PTPRD: variants seen among roughly 807,000 people sequenced by gnomAD.
The protein encoded by PTPRD is protein tyrosine phosphatase receptor type D.
A neutral mutation model predicts 214.5 loss-of-function variants in PTPRD; 34 were observed. The ratio of observed to expected loss-of-function variants is 0.16; its 90% CI spans 0.12 to 0.21. The LOEUF (loss-of-function observed/expected upper bound fraction) is 0.21, where lower values mean the gene tolerates loss of function less well. PTPRD is among the 10% of genes least tolerant of loss of function. The pLI, the probability that PTPRD is intolerant of heterozygous loss-of-function variation, is 1.00. For synonymous variants in PTPRD, 1,128 were observed against 845.7 expected (o/e 1.33, Z -5.79); for missense variants, 2,545 against 2,398.7 (o/e 1.06, Z -1.27).
At position 8,602,330 on chromosome 9, in the gene PTPRD, A is replaced by T. The variant is rs183622559; in HGVS notation, c.352+30987T>A. Among the ~76,000 whole-genome samples, 25 of 152,242 alleles carry T rather than the reference A, an allele frequency of 1.6e-4. No homozygotes were observed. The East Asian group carries it at 4.8e-3, about 29-fold the overall frequency. On this transcript the variant is annotated intron_variant, in intron 14 of 45. Coordinates refer to ENST00000381196, the MANE Select transcript of PTPRD (RefSeq NM_002839.4). ...CCTTCCTCATTGCCCAGGGCTTCTG[A>T]GACTTCACACTACCTTGTCTGTATA... is the stretch of plus-strand genomic sequence containing the variant.
chr9:9,730,154 A>G (rs903874680), intron 7 of PTPRD, among the ~76,000 whole-genome samples: 4 of 152,194 alleles, frequency 2.6e-5, no homozygotes, highest in Non-Finnish European at 2.9e-5. Context: ...AGATGGAAAT[A>G]GCATTCAATT....
chr9:9,209,932 T>G (rs372426355), intron 9 of PTPRD, among the ~76,000 whole-genome samples: 41 of 152,138 alleles, frequency 2.7e-4, no homozygotes, highest in Non-Finnish European at 2.9e-5. Context: ...ATATTTTCAT[T>G]GGTTCCTCCT....
At chr9:9,014,290 C>T (rs1407128413) in intron 11 of PTPRD, among the ~76,000 whole-genome samples, 1 of 150,902 alleles carries the variant, frequency 6.6e-6, no homozygotes, top group East Asian at 2.0e-4. Context: ...TTCATTCTCA[C>T]AATCTGAACA....
At chr9:9,156,471 T>G (rs565109842) in intron 10 of PTPRD, among the ~76,000 whole-genome samples, 33 of 151,518 alleles carry the variant, frequency 2.2e-4, no homozygotes, top group South Asian at 4.2e-4. Flanking sequence ...TATATAAGTA[T>G]ATATTAATTA....
chr9:8,714,955 T>C (rs940170567), intron 12 of PTPRD, among the ~76,000 whole-genome samples: 1 of 152,186 alleles, frequency 6.6e-6, no homozygotes, highest in Non-Finnish European at 1.5e-5. Flanking sequence ...ATTTTTTTTT[T>C]TGTCTGTCTT....
intron 5 of PTPRD, among the ~76,000 whole-genome samples, chr9:9,930,535 T>C (rs2086119834): frequency 6.6e-6 from 1 of 152,280 alleles, no homozygotes; most frequent in East Asian, 1.9e-4. Context: ...GATAAAGAAC[T>C]GCAGAAAAAG....
chr9:9,899,404 A>C (rs563678628), intron 5 of PTPRD, among the ~76,000 whole-genome samples: 1 of 152,160 alleles, frequency 6.6e-6, no homozygotes, highest in Admixed American at 6.6e-5. Flanking sequence ...ATGTGAATCG[A>C]TATTTCTGTA....
rs149872621 is a variant in PTPRD at position 9,255,791 on chromosome 9, C to A, written c.-202-72428G>T. On this transcript the variant is annotated intron_variant, in intron 9 of 45. Coordinates refer to ENST00000381196, the MANE Select transcript of PTPRD (RefSeq NM_002839.4). ...ATAAATAATTCCACAAGATCCGGGA[C>A]TTTTTTCATTTTGTTTATGACTGTA... is the stretch of plus-strand genomic sequence containing the variant. Among the ~76,000 whole-genome samples the A allele has an allele frequency of 3.9e-3, 590 of 152,086 alleles. 4 individuals are homozygous for A. The highest frequency in any genetic ancestry group is 0.014 in the Middle Eastern group (4 of 294).
At chr9:9,003,742 T>C (rs143201382) in intron 11 of PTPRD, among the ~76,000 whole-genome samples, 1 of 152,172 alleles carries the variant, frequency 6.6e-6, no homozygotes, top group Non-Finnish European at 1.5e-5. Flanking sequence ...CCATTCTGTG[T>C]TTTCGAACTG....
At chr9:9,958,077 C>T (rs1181900879) in intron 4 of PTPRD, among the ~76,000 whole-genome samples, 2 of 152,080 alleles carry the variant, frequency 1.3e-5, no homozygotes, top group African/African-American at 2.4e-5. Flanking sequence ...TAAAGCATAA[C>T]TTAAAATAGA....
intron 3 of PTPRD, among the ~76,000 whole-genome samples, chr9:10,337,374 C>G (rs1437480192): frequency 6.6e-6 from 1 of 151,520 alleles, no homozygotes; most frequent in Non-Finnish European, 1.5e-5. Flanking sequence ...TGATTTATAC[C>G]AAATGGATTT....
At chr9:9,340,683 T>A (rs1306484751) in intron 9 of PTPRD, among the ~76,000 whole-genome samples, 1 of 152,226 alleles carries the variant, frequency 6.6e-6, no homozygotes, top group Non-Finnish European at 1.5e-5. Flanking sequence ...GCTGGAAAGC[T>A]GTTGGACATG....
intron 10 of PTPRD, among the ~76,000 whole-genome samples, chr9:9,021,608 T>A (rs1192048366): frequency 1.3e-5 from 2 of 152,122 alleles, no homozygotes; most frequent in Non-Finnish European, 2.9e-5. Context: ...GGCATTGCTG[T>A]CGTAGGAGAT....
At chr9:8,863,685 T>A (rs2098145554) in intron 11 of PTPRD, among the ~76,000 whole-genome samples, 1 of 152,184 alleles carries the variant, frequency 6.6e-6, no homozygotes, top group South Asian at 2.1e-4. Flanking sequence ...TTTTAAAAAA[T>A]AAAACTATTG....
intron 7 of PTPRD, among the ~76,000 whole-genome samples, chr9:9,588,298 T>A (rs940951266): frequency 6.6e-6 from 1 of 151,942 alleles, no homozygotes; most frequent in African/African-American, 2.4e-5. Context: ...TTTCAGTTCA[T>A]TCAGTTCCTT....
At chr9:10,310,073 G>A (rs1471366173) in intron 3 of PTPRD, among the ~76,000 whole-genome samples, 1 of 151,978 alleles carries the variant, frequency 6.6e-6, no homozygotes, top group Admixed American at 6.6e-5. Flanking sequence ...TTGGTAAAAT[G>A]GTGTTTTATT....
At chr9:8,752,804 C>A (rs2093654034) in intron 11 of PTPRD, among the ~76,000 whole-genome samples, 1 of 152,082 alleles carries the variant, frequency 6.6e-6, no homozygotes, top group Non-Finnish European at 1.5e-5. Flanking sequence ...GCTGGGCCAC[C>A]AACAGCAGAA....
chr9:9,738,990 C>A (rs2098352035), intron 6 of PTPRD, among the ~76,000 whole-genome samples: 1 of 152,030 alleles, frequency 6.6e-6, no homozygotes, highest in African/African-American at 2.4e-5. Flanking sequence ...TATAGAAATG[C>A]ATTTGATTTC....
intron 34 of PTPRD, among the ~76,000 whole-genome samples, chr9:8,445,965 C>T (rs1377449811): frequency 6.6e-6 from 1 of 152,130 alleles, no homozygotes; most frequent in East Asian, 1.9e-4. Flanking sequence ...GTGCTCTGTA[C>T]AGATTCAAGT....
Sources: allele counts gnomAD v4.1 joint callset (sites outside exome capture counted in the v4.1 genomes callset), GRCh38; gene constraint gnomAD v4.1.1; transcripts MANE v1.5; gene names NCBI Gene and HGNC (gene_info 2026-07-23, HGNC 2026-07-21).